ARL8A: variants seen among roughly 807,000 people sequenced by gnomAD.
ARL8A encodes ARF like GTPase 8A, also known as ADP-ribosylation factor-like protein 8A.
In ARL8A, 10 loss-of-function variants were observed where a neutral mutation model predicts 31.2. The ratio of observed to expected loss-of-function variants is 0.32; its 90% CI spans 0.20 to 0.54. The LOEUF is 0.54. ARL8A is among the 20% of genes least tolerant of loss of function. The pLI is 0.93. For missense variants in ARL8A, 129 were observed against 242.8 expected, an observed-to-expected ratio of 0.53 and a Z score of 3.12; for synonymous variants, 70 against 86.9, an observed-to-expected ratio of 0.81 and a Z score of 1.08.
chr1:202,135,853 G>A lies in ARL8A; in HGVS notation c.279-53C>T. ...GCATGTTGACACCACAGGCTGAGGTGGTGCAAGGAAGAGAAGGAGCTGCTG... is the reference window on the plus strand; with the variant it reads ...GCATGTTGACACCACAGGCTGAGGTAGTGCAAGGAAGAGAAGGAGCTGCTG... On this transcript the variant is annotated intron_variant, in intron 3 of 6. Transcript: ENST00000272217. The surrounding 1 kb of genome is among the most constrained non-coding windows in gnomAD (Gnocchi z 5.3). The A allele has an allele frequency of 6.6e-7, 1 of 1,505,800 alleles. No individual in the cohort carries two copies. Among genetic ancestry groups the A allele is most frequent in the Non-Finnish European group, 9.2e-7 (1 of 1,082,416 alleles). 93.3% of individuals were successfully genotyped at this position (1,505,800 alleles called of 1,614,324 possible).
chr1:202,144,477 G>C lies in ARL8A; in HGVS notation c.96C>G (p.Gly32=), dbSNP rs200552559. 6.8e-6 allele frequency: 10 copies of C among 1,473,362 alleles called. No homozygotes were observed. Among genetic ancestry groups the C allele is most frequent in the African/African-American group, 1.5e-5 (1 of 68,830 alleles). The allele number at this position is 1,473,362 out of a possible 1,614,324, so 91.3% of individuals were successfully genotyped here. The change falls in exon 1 of 7, where the codon GGC becomes GGG. Residue 32 remains glycine, a synonymous_variant. Transcript: ENST00000272217. The surrounding 1 kb of genome is among the most constrained non-coding windows in gnomAD (Gnocchi z 5.2). ...CGATCACGTTGACGAAGGTGGTCTTGCCCGAGTACTGAAGCCCGACCAGCG... is the reference window on the plus strand; with the variant it reads ...CGATCACGTTGACGAAGGTGGTCTTCCCCGAGTACTGAAGCCCGACCAGCG... ...ELTLVGLQYS[G]KTTFVNVIAS...
rs1448316506 is a variant in ARL8A, at chr1:202,144,422, G to A, written c.123+28C>T. 7.4e-7 allele frequency: 1 copy of A among 1,358,288 alleles called. No individual in the cohort carries two copies. Among genetic ancestry groups the A allele is most frequent in the Non-Finnish European group, 9.7e-7 (1 of 1,027,262 alleles). 84.1% of individuals were successfully genotyped at this position (1,358,288 alleles called of 1,614,324 possible). On this transcript the variant is annotated intron_variant, in intron 1 of 6. Transcript: ENST00000272217. This position sits in a 1 kb window ranked among gnomAD's most constrained non-coding sequence, Gnocchi z 5.2. ...CAGGCCCGACCCGCGGCCCGCGCCC[G>A]GGGACCCCGCGCCCGACGCCCTCGT...
intron 1 of ARL8A, among the ~76,000 whole-genome samples, chr1:202,142,627 G>T (rs1015402026): frequency 6.6e-6 from 1 of 152,180 alleles, no homozygotes; most frequent in Non-Finnish European, 1.5e-5. Context: ...ATTAAAAAGG[G>T]GACCTTGTGG....
chr1:202,144,534 C>T lies in ARL8A; in HGVS notation c.39G>A (p.Lys13=). The T allele has an allele frequency of 6.8e-7, 1 of 1,479,862 alleles. No homozygotes were observed. The highest frequency in any genetic ancestry group is 3.1e-5 in the East Asian group (1 of 32,448). 91.7% of individuals were successfully genotyped at this position (1,479,862 alleles called of 1,614,324 possible). A position where few individuals can be genotyped will look rare whatever the true frequency, so the allele number is the denominator to read the frequency against. The change falls in exon 1 of 7, where the codon AAG becomes AAA. Residue 13 remains lysine, a synonymous_variant. Transcript: ENST00000272217. The surrounding 1 kb of genome is among the most constrained non-coding windows in gnomAD (Gnocchi z 5.2). ...ALFNKLLDWF[K]ALFWKEEMEL... ...CCATCTCCTCCTTCCAGAATAGGGCCTTGAACCAGTCCAGCAGCTTGTTGA... is the reference window on the plus strand; with the variant it reads ...CCATCTCCTCCTTCCAGAATAGGGCTTTGAACCAGTCCAGCAGCTTGTTGA...
At chr1:202,136,788 T>C (rs1655019067) in intron 3 of ARL8A, among the ~76,000 whole-genome samples, 1 of 152,200 alleles carries the variant, frequency 6.6e-6, no homozygotes, top group Non-Finnish European at 1.5e-5. Context: ...AGGTTGGTTT[T>C]GAACTTCTGA....
chr1:202,144,597 G>T lies in ARL8A; in HGVS notation c.-25C>A, dbSNP rs1256874675. 4 of 1,394,018 alleles carry T rather than the reference G, an allele frequency of 2.9e-6. No homozygotes were observed. In the Admixed American group the frequency reaches 6.3e-5, roughly 22 times the overall value. The allele number at this position is 1,394,018 out of a possible 1,614,324, so 86.4% of individuals were successfully genotyped here. On this transcript the variant is annotated 5_prime_UTR_variant, in exon 1 of 7. Coordinates refer to ENST00000272217, the MANE Select transcript of ARL8A (RefSeq NM_138795.4). This position sits in a 1 kb window ranked among gnomAD's most constrained non-coding sequence, Gnocchi z 5.2. Reference sequence around the variant, plus strand: ...TGGTCGCTGCCGCCGGCCCCGCCCGGTGCCAGGTCCCCGCCGCCCCTCGCT... The same window carrying T: ...TGGTCGCTGCCGCCGGCCCCGCCCGTTGCCAGGTCCCCGCCGCCCCTCGCT...
In ARL8A at chr1:202,135,928, G is replaced by A; in HGVS notation, c.279-128C>T. 1 of 825,658 alleles carries A rather than the reference G, an allele frequency of 1.2e-6. No homozygotes were observed. The highest frequency in any genetic ancestry group is 2.0e-6 in the Non-Finnish European group (1 of 497,784). 51.1% of individuals were successfully genotyped at this position (825,658 alleles called of 1,614,324 possible). On this transcript the variant is annotated intron_variant, in intron 3 of 6. Coordinates refer to ENST00000272217, the MANE Select transcript of ARL8A (RefSeq NM_138795.4). The surrounding 1 kb of genome is among the most constrained non-coding windows in gnomAD (Gnocchi z 5.3). ...AGCTTGGTCACCTCGGGATCCATGG[G>A]CTACCTGGCCTGGCTCAAGGCAGGT...
chr1:202,144,437 G>T lies in ARL8A; in HGVS notation c.123+13C>A. ...GCCCGCGCCCGGGGACCCCGCGCCC[G>T]ACGCCCTCGTACCGCGATCACGTTG... On this transcript the variant is annotated intron_variant, in intron 1 of 6. Coordinates refer to ENST00000272217, the MANE Select transcript of ARL8A (RefSeq NM_138795.4). This position sits in a 1 kb window ranked among gnomAD's most constrained non-coding sequence, Gnocchi z 5.2. 7.2e-7 allele frequency: 1 copy of T among 1,393,914 alleles called. No individual in the cohort carries two copies. Among genetic ancestry groups the T allele is most frequent in the Non-Finnish European group, 9.6e-7 (1 of 1,046,742 alleles). The allele number at this position is 1,393,914 out of a possible 1,614,324, so 86.3% of individuals were successfully genotyped here.
chr1:202,138,488 G>T lies in ARL8A; in HGVS notation c.124-40C>A. 1 of 1,583,608 alleles carries T rather than the reference G, an allele frequency of 6.3e-7. No homozygotes were observed. The highest frequency in any genetic ancestry group is 8.7e-7 in the Non-Finnish European group (1 of 1,152,372). Reference sequence around the variant, plus strand: ...CAGAATGGGAAACAGTGCAAAAATCGATATGCCCCCACCGCAGACCAAGAG... The same window carrying T: ...CAGAATGGGAAACAGTGCAAAAATCTATATGCCCCCACCGCAGACCAAGAG... On this transcript the variant is annotated intron_variant, in intron 1 of 6. Transcript: ENST00000272217. The surrounding 1 kb of genome is among the most constrained non-coding windows in gnomAD (Gnocchi z 4.4).
rs1176666496 is a variant in ARL8A, at chr1:202,144,259, G to C, written c.123+191C>G. On this transcript the variant is annotated intron_variant, in intron 1 of 6. Coordinates refer to ENST00000272217, the MANE Select transcript of ARL8A (RefSeq NM_138795.4). This position sits in a 1 kb window ranked among gnomAD's most constrained non-coding sequence, Gnocchi z 5.2. ...GCCCGGGTGAGAGAGCGGGTCGCGCGCCGCCCCGGTCCCCCACGGCACGGG... is the reference window on the plus strand; with the variant it reads ...GCCCGGGTGAGAGAGCGGGTCGCGCCCCGCCCCGGTCCCCCACGGCACGGG... Among the ~76,000 whole-genome samples, 1 of 151,868 alleles carries C rather than the reference G, an allele frequency of 6.6e-6. No homozygotes were observed. Among genetic ancestry groups the C allele is most frequent in the Non-Finnish European group, 1.5e-5 (1 of 67,888 alleles).
At chr1:202,139,798 C>T (rs1655119326) in intron 1 of ARL8A, among the ~76,000 whole-genome samples, 1 of 151,242 alleles carries the variant, frequency 6.6e-6, no homozygotes, top group East Asian at 2.0e-4. Context: ...CAGGCATGTG[C>T]CACCACACCC....
At chr1:202,137,303 G>A (rs922387938) in intron 3 of ARL8A, among the ~76,000 whole-genome samples, 2 of 152,134 alleles carry the variant, frequency 1.3e-5, no homozygotes, top group African/African-American at 4.8e-5. Context: ...GATTACAGGT[G>A]TGTGGCACCA....
At chr1:202,139,369 T>G (rs1655102614) in intron 1 of ARL8A, among the ~76,000 whole-genome samples, 1 of 152,118 alleles carries the variant, frequency 6.6e-6, no homozygotes, top group African/African-American at 2.4e-5. Flanking sequence ...GTCAGGAGTT[T>G]GAGACCATCC....
In ARL8A at chr1:202,133,920, G is replaced by A. The variant is rs1044110845; in HGVS notation, c.*547C>T. The A allele has an allele frequency of 1.3e-5, 2 of 152,130 alleles. No individual in the cohort carries two copies. Among genetic ancestry groups the A allele is most frequent in the Admixed American group, 1.3e-4 (2 of 15,262 alleles). 9.4% of individuals were successfully genotyped at this position (152,130 alleles called of 1,614,324 possible). ...ACGGGACAGGGAGGCGGCCACCAGT[G>A]CCCAGGCTGGTACCTGCCGCAGGTG... On this transcript the variant is annotated 3_prime_UTR_variant, in exon 7 of 7. Coordinates refer to ENST00000272217, the MANE Select transcript of ARL8A (RefSeq NM_138795.4).
chr1:202,142,337 G>T (rs1292129629), intron 1 of ARL8A, among the ~76,000 whole-genome samples: 1 of 152,254 alleles, frequency 6.6e-6, no homozygotes, highest in Non-Finnish European at 1.5e-5. Flanking sequence ...AAATGAACAG[G>T]CACAGGTAAT....
Position 202,144,599 on chromosome 1 carries a change from G to T in ARL8A, c.-27C>A. On this transcript the variant is annotated 5_prime_UTR_variant, in exon 1 of 7. Transcript: ENST00000272217. This position sits in a 1 kb window ranked among gnomAD's most constrained non-coding sequence, Gnocchi z 5.2. ...GTCGCTGCCGCCGGCCCCGCCCGGT[G>T]CCAGGTCCCCGCCGCCCCTCGCTGC... 1 of 1,390,860 alleles carries T rather than the reference G, an allele frequency of 7.2e-7. No homozygotes were observed. Among genetic ancestry groups the T allele is most frequent in the South Asian group, 1.2e-5 (1 of 80,674 alleles). The allele number at this position is 1,390,860 out of a possible 1,614,324, so 86.2% of individuals were successfully genotyped here. A position where few individuals can be genotyped will look rare whatever the true frequency, so the allele number is the denominator to read the frequency against.
chr1:202,140,296 A>ATTTTTTTT (rs77654638), intron 1 of ARL8A, among the ~76,000 whole-genome samples: 1 of 137,670 alleles, frequency 7.3e-6, no homozygotes. Context: ...TGCCTAGCTA[A>ATTTTTTTT]TTTTTTTTTT....
chr1:202,136,435 A>G (rs938481645), intron 3 of ARL8A, among the ~76,000 whole-genome samples: 5 of 152,070 alleles, frequency 3.3e-5, no homozygotes, highest in African/African-American at 1.2e-4. Context: ...ACATGCCGCC[A>G]CGCCCGGCTA....
chr1:202,135,326 G>A lies in ARL8A; in HGVS notation c.441-106C>T, dbSNP rs1176524384. On this transcript the variant is annotated intron_variant, in intron 5 of 6. Transcript: ENST00000272217. The surrounding 1 kb of genome is among the most constrained non-coding windows in gnomAD (Gnocchi z 5.3). ...TTACCTAAGAGGCTACAAAGGGGAG[G>A]GTGAGGTGCCTGAAAAGGTCGGCTC... 6 of 1,447,880 alleles carry A rather than the reference G, an allele frequency of 4.1e-6. No homozygotes were observed. Among genetic ancestry groups the A allele is most frequent in the East Asian group, 2.3e-5 (1 of 44,050 alleles). 89.7% of individuals were successfully genotyped at this position (1,447,880 alleles called of 1,614,324 possible). A position where few individuals can be genotyped will look rare whatever the true frequency, so the allele number is the denominator to read the frequency against.
Sources: allele counts gnomAD v4.1 joint callset (sites outside exome capture counted in the v4.1 genomes callset), GRCh38; gene constraint gnomAD v4.1.1; non-coding constraint Gnocchi (gnomAD v3.1); transcripts MANE v1.5; gene names NCBI Gene and HGNC (gene_info 2026-07-23, HGNC 2026-07-21).